The following NBPF12 variants were observed in gnomAD, a reference collection of about 807,000 sequenced individuals.
NBPF12 encodes NBPF family member NBPF12.
In NBPF12, 115 loss-of-function variants were observed where a neutral mutation model predicts 146.4. That is an observed-to-expected ratio of 0.79 (90% CI 0.68 to 0.92). The LOEUF is 0.92. Ranked by LOEUF, NBPF12 falls within the 40% of genes least tolerant of loss-of-function variation. NBPF12 has a pLI of 0.00. For synonymous variants in NBPF12, 385 were observed against 508.9 expected (o/e 0.76, Z 3.28); for missense variants, 1,205 against 1,326.8 (o/e 0.91, Z 1.43).
Position 146,957,973 on chromosome 1 carries a change from GTA to G in NBPF12, c.-183-1880_-183-1879del, listed in dbSNP as rs1295943610. Reference sequence around the variant, plus strand: ...ATATTTTATATATACGTGTATACATGTATATATGTGTGTGTATATATATATAT... The same window carrying G: ...ATATTTTATATATACGTGTATACATGTATATGTGTGTGTATATATATATAT... On this transcript the variant is annotated intron_variant, in intron 2 of 33. Transcript: ENST00000617844. Among the ~76,000 whole-genome samples the G allele has an allele frequency of 2.4e-4, 25 of 103,282 alleles. 5 individuals carry two copies. The Middle Eastern group carries it at 0.015, about 64-fold the overall frequency. 67.8% of individuals were successfully genotyped at this position (103,282 alleles called of 152,430 possible). A position where few individuals can be genotyped will look rare whatever the true frequency, so the allele number is the denominator to read the frequency against.
chr1:146,951,580 A>G (rs1363662786), intron 2 of NBPF12, 91 bp downstream of exon 5: 1 of 492,978 alleles, frequency 2.0e-6, no homozygotes, highest in Non-Finnish European at 3.6e-6. Flanking sequence ...TCTCTAATCT[A>G]GCCCATATGC....
At chr1:146,982,247 G>A (rs1408203734) in intron 19 of NBPF12, among the ~76,000 whole-genome samples, 1 of 130,248 alleles carries the variant, frequency 7.7e-6, no homozygotes, top group Non-Finnish European at 1.6e-5. Context: ...TGGCGTGGAT[G>A]TCTTTTTTGT....
intron 31 of NBPF12, 83 bp from the exon 35 acceptor site, chr1:146,992,629 T>G: frequency 6.5e-6 from 5 of 775,138 alleles, no homozygotes; most frequent in Non-Finnish European, 1.2e-5. Flanking sequence ...AACCACTTCC[T>G]TATGCTACCC....
At chr1:146,940,836 G>A (rs1193865989) in intron 1 of NBPF12, among the ~76,000 whole-genome samples, 1 of 151,626 alleles carries the variant, frequency 6.6e-6, no homozygotes, top group Non-Finnish European at 1.5e-5. Context: ...ATATCAATGC[G>A]GTTTCAACTT....
chr1:146,992,462 C>CTCTCTCTCTCTG (rs1450490306), intron 31 of NBPF12, among the ~76,000 whole-genome samples: 7 of 66,278 alleles, frequency 1.1e-4, no homozygotes, highest in African/African-American at 5.0e-4. Context: ...CTCTCTCTCT[C>CTCTCTCTCTCTG]TGTGTGTGTG....
At chr1:146,982,290 T>C (rs1274570599) in intron 19 of NBPF12, among the ~76,000 whole-genome samples, 4 of 143,632 alleles carry the variant, frequency 2.8e-5, no homozygotes, top group South Asian at 5.3e-4. Context: ...TGTGTGTTAG[T>C]TTTCCTTCTA....
chr1:146,978,324 G>C (rs1336286244), intron 18 of NBPF12, among the ~76,000 whole-genome samples: 2 of 143,252 alleles, frequency 1.4e-5, no homozygotes, highest in Admixed American at 7.4e-5. Context: ...GAGTGCAGTG[G>C]CACCATCTTG....
chr1:146,980,116 A>C (rs1341507891), intron 19 of NBPF12, among the ~76,000 whole-genome samples: 1 of 151,562 alleles, frequency 6.6e-6, no homozygotes, highest in Non-Finnish European at 1.5e-5. Flanking sequence ...AGTCTGTTTT[A>C]TCAGAGACTA....
At chr1:146,969,277 T>C (rs2101869635) in intron 10 of NBPF12, 105 bp from the exon 14 acceptor site, 1 of 834,194 alleles carries the variant, frequency 1.2e-6, no homozygotes, top group East Asian at 2.5e-5. Flanking sequence ...GACCTTCTGC[T>C]TGGAGGTCTC....
chr1:146,978,093 C>A (rs1266472092), intron 18 of NBPF12, among the ~76,000 whole-genome samples: 1 of 151,584 alleles, frequency 6.6e-6, no homozygotes, highest in Non-Finnish European at 1.5e-5. Flanking sequence ...CAGCTTTCAT[C>A]TGGATCTCCT....
At chr1:146,995,697 C>T (rs2101944866) in exon 34 of NBPF12, 1 of 150,096 alleles carries the variant, frequency 6.7e-6, no homozygotes, top group South Asian at 2.1e-4. Context: ...TGTGAGTTTC[C>T]AACCTCAGCC....
chr1:146,993,861 G>C (rs2101938248), intron 33 of NBPF12, among the ~76,000 whole-genome samples, 154 bp downstream of exon 36: 1 of 2,880 alleles, frequency 3.5e-4, no homozygotes, highest in Non-Finnish European at 6.3e-4. Flanking sequence ...TAGATGTTTA[G>C]GTTTCCATTT....
chr1:146,967,771 G>A (rs1553885810), intron 9 of NBPF12, among the ~76,000 whole-genome samples: 16 of 150,016 alleles, frequency 1.1e-4, no homozygotes, highest in African/African-American at 2.5e-4. Context: ...AATTGCTACA[G>A]TGAATTACAT....
chr1:146,943,753 G>T (rs1220593789), intron 2 of NBPF12, among the ~76,000 whole-genome samples, 191 bp downstream of exon 2: 1 of 151,894 alleles, frequency 6.6e-6, no homozygotes, highest in South Asian at 2.1e-4. Flanking sequence ...TGGACTTGTA[G>T]TGCCATGGTC....
upstream of NBPF12, among the ~76,000 whole-genome samples, chr1:146,946,966 C>T (rs1331676177): frequency 9.2e-5 from 14 of 152,080 alleles, no homozygotes; most frequent in African/African-American, 3.4e-4. Context: ...TCTAAAGCTC[C>T]ATGGAAGATC....
chr1:146,953,834 A>G (rs1244034976), intron 2 of NBPF12, among the ~76,000 whole-genome samples: 1 of 151,642 alleles, frequency 6.6e-6, no homozygotes, highest in Non-Finnish European at 1.5e-5. Context: ...CTCTAAGTCA[A>G]TGCAATAAAG....
At chr1:146,938,342 C>T (rs1654625500), upstream of NBPF12, among the ~76,000 whole-genome samples, 2 of 152,250 alleles carry the variant, frequency 1.3e-5, no homozygotes, top group South Asian at 2.1e-4. Context: ...GACTATGGGG[C>T]GGTGCGGCAG....
At chr1:146,977,174 G>A (rs1657096060) in intron 17 of NBPF12, among the ~76,000 whole-genome samples, 173 bp downstream of exon 20, 1 of 147,298 alleles carries the variant, frequency 6.8e-6, no homozygotes, top group African/African-American at 2.6e-5. Context: ...GTTTCTCTAT[G>A]TGTGCCGAGT....
At chr1:146,954,759 A>T (rs1655488562) in intron 2 of NBPF12, among the ~76,000 whole-genome samples, 1 of 150,518 alleles carries the variant, frequency 6.6e-6, no homozygotes, top group Non-Finnish European at 1.5e-5. Context: ...GAAAATCAAG[A>T]TTATGTGTTT....
Sources: gnomAD v4.1 joint callset for allele counts (sites outside exome capture counted in the v4.1 genomes callset) on GRCh38, gnomAD v4.1.1 for gene constraint, MANE v1.5 for transcripts, NCBI Gene and HGNC (gene_info 2026-07-23, HGNC 2026-07-21) for gene names.